Variants in CPSF4L observed in about 807,000 individuals in gnomAD.
CPSF4L encodes the protein putative cleavage and polyadenylation specificity factor subunit 4-like protein.
Under a neutral mutation model 24.0 loss-of-function variants are expected in CPSF4L, and 18 were observed. The observed-to-expected ratio is 0.75, with a 90% CI of 0.52 to 1.11. CPSF4L has a LOEUF of 1.11. CPSF4L is among the 50% of genes least tolerant of loss of function. The probability of loss-of-function intolerance (pLI) is 0.00; values close to 1 mark genes in which losing one functional copy is unlikely to be tolerated. For missense variants in CPSF4L, 211 were observed against 221.8 expected, an observed-to-expected ratio of 0.95 and a Z score of 0.31; for synonymous variants, 72 against 77.2, an observed-to-expected ratio of 0.93 and a Z score of 0.35.
chr17:73,244,861 G>A (rs1653360248), downstream of CPSF4L, among the ~76,000 whole-genome samples: 1 of 151,904 alleles, frequency 6.6e-6, no homozygotes, highest in Non-Finnish European at 1.5e-5. Flanking sequence ...TCAGACACCT[G>A]GCCATGGGTG....
chr17:73,242,259 G>A, the CPSF4L span: 49 of 1,587,340 alleles, frequency 3.1e-5, no homozygotes, highest in Middle Eastern at 1.7e-4. Flanking sequence ...TTGTTGGAAC[G>A]AAGCTCAACT....
At chr17:73,262,702 T>G (rs1189136119), upstream of CPSF4L, among the ~76,000 whole-genome samples, 1 of 152,216 alleles carries the variant, frequency 6.6e-6, no homozygotes, top group Non-Finnish European at 1.5e-5. Context: ...AGGTTCCCCC[T>G]CCCCCTGCTC....
At chr17:73,249,117 T>C (rs1009222901) in intron 5 of CPSF4L, among the ~76,000 whole-genome samples, 11 of 152,138 alleles carry the variant, frequency 7.2e-5, no homozygotes, top group Non-Finnish European at 1.5e-4. Flanking sequence ...AGATTAGAAG[T>C]CTTACATGTG....
At chr17:73,260,659 C>T (rs1034959548) in intron 2 of CPSF4L, among the ~76,000 whole-genome samples, 6 of 152,052 alleles carry the variant, frequency 3.9e-5, no homozygotes, top group Non-Finnish European at 7.4e-5. Context: ...TCCAGTTACT[C>T]GGGAGGCTGA....
chr17:73,251,889 G>A (rs986086970), intron 5 of CPSF4L, among the ~76,000 whole-genome samples: 25 of 152,160 alleles, frequency 1.6e-4, no homozygotes, highest in African/African-American at 5.3e-4. Context: ...AAAACCATGC[G>A]TGCTACCCAG....
At chr17:73,255,839 C>T (rs533977555) in intron 3 of CPSF4L, among the ~76,000 whole-genome samples, 35 of 152,304 alleles carry the variant, frequency 2.3e-4, no homozygotes, top group African/African-American at 7.7e-4. Context: ...GTGCACGTCT[C>T]TGCATTCCTG....
intron 5 of CPSF4L, among the ~76,000 whole-genome samples, chr17:73,249,472 T>G (rs1228445094): frequency 6.6e-6 from 1 of 152,160 alleles, no homozygotes; most frequent in East Asian, 1.9e-4. Context: ...TGAACTGGCA[T>G]TCAACCCCCC....
chr17:73,251,232 T>TA, intron 5 of CPSF4L: 3 of 1,169,962 alleles, frequency 2.6e-6, no homozygotes, highest in East Asian at 2.8e-5. Flanking sequence ...TGCCTTTAGT[T>TA]ACAGTTTTAA....
intron 1 of CPSF4L, 32 bp downstream of exon 1, chr17:73,261,684 A>G: frequency 7.4e-7 from 1 of 1,353,170 alleles, no homozygotes; most frequent in South Asian, 1.3e-5. Context: ...CAGAGAAGGT[A>G]GGGGAGGGAA....
At chr17:73,260,627 C>T (rs927769080) in intron 2 of CPSF4L, among the ~76,000 whole-genome samples, 2 of 152,078 alleles carry the variant, frequency 1.3e-5, no homozygotes, top group African/African-American at 4.8e-5. Context: ...ATTAGCCGGG[C>T]TTGGTGGCAT....
At chr17:73,250,335 T>C (rs1404868254) in intron 5 of CPSF4L, 1 of 1,550,006 alleles carries the variant, frequency 6.5e-7, no homozygotes, top group African/African-American at 1.4e-5. Flanking sequence ...GGCATGACTT[T>C]TTGTAAATTC....
chr17:73,254,846 G>T (rs948966456), intron 3 of CPSF4L, among the ~76,000 whole-genome samples: 7 of 152,134 alleles, frequency 4.6e-5, no homozygotes, highest in Non-Finnish European at 8.8e-5. Context: ...GTTTCACCAT[G>T]TTGGCCAGGC....
chr17:73,251,101 G>A, intron 5 of CPSF4L: 1 of 1,543,202 alleles, frequency 6.5e-7, no homozygotes, highest in Non-Finnish European at 8.7e-7. Flanking sequence ...CGGCTGGCAA[G>A]CTACAGCTGA....
In CPSF4L at chr17:73,252,653, C is replaced by T; in HGVS notation, c.474G>A (p.Glu158=). The change falls in exon 5 of 6, where the codon GAG becomes GAA. Residue 158 remains glutamate (E), a synonymous_variant. Transcript: ENST00000344935. ...CLNYLVGFCP[E]GPKCQFAQKI... is the part of the protein sequence containing the mutation. ...ACTGAGCAAATTGGCACTTGGGTCC[C>T]TCGGGGCAGAAGCCAACTAAATAGT... The T allele has an allele frequency of 6.4e-7, 1 of 1,551,418 alleles. No homozygotes were observed. The highest frequency in any genetic ancestry group is 8.7e-7 in the Non-Finnish European group (1 of 1,146,770).
chr17:73,243,038 G>A, the CPSF4L span: 1 of 1,505,852 alleles, frequency 6.6e-7, no homozygotes, highest in Middle Eastern at 1.7e-4. Context: ...TAAATAACAG[G>A]TCCCATTCCG....
At chr17:73,250,252 C>CCT in intron 5 of CPSF4L, 1 of 1,550,302 alleles carries the variant, frequency 6.5e-7, no homozygotes. Flanking sequence ...TTTAATAACT[C>CCT]CTATCAGTTG....
chr17:73,251,289 T>C (rs1390508398), intron 5 of CPSF4L, among the ~76,000 whole-genome samples: 1 of 152,170 alleles, frequency 6.6e-6, no homozygotes, highest in Non-Finnish European at 1.5e-5. Context: ...TCATTGTAAA[T>C]GGGCTTGTAA....
At chr17:73,247,374 C>G (rs1204646788), downstream of CPSF4L, 1 of 1,609,678 alleles carries the variant, frequency 6.2e-7, no homozygotes, top group Non-Finnish European at 8.5e-7. Context: ...GCCTTCGTGA[C>G]TTCTCTCTAG....
chr17:73,247,433 T>C, downstream of CPSF4L: 2 of 1,275,004 alleles, frequency 1.6e-6, no homozygotes, highest in Non-Finnish European at 2.3e-6. Context: ...AACACCTAAG[T>C]GTAGTGGTAG....
Sources: allele counts gnomAD v4.1 joint callset (sites outside exome capture counted in the v4.1 genomes callset), GRCh38; gene constraint gnomAD v4.1.1; transcripts MANE v1.5; gene names NCBI Gene and HGNC (gene_info 2026-07-23, HGNC 2026-07-21).